PLCB4: variants seen among roughly 807,000 people sequenced by gnomAD.
PLCB4 encodes phospholipase C beta 4.
A neutral mutation model predicts 178.8 loss-of-function variants in PLCB4; 77 were observed. That is an observed-to-expected ratio of 0.43 (90% CI 0.36 to 0.52). The LOEUF is 0.52. Ranked by LOEUF, PLCB4 falls within the 20% of genes least tolerant of loss-of-function variation. PLCB4 has a pLI of 0.00. For missense variants in PLCB4, 1,024 were observed against 1,453.4 expected, an observed-to-expected ratio of 0.70 and a Z score of 4.80; for synonymous variants, 496 against 490.8, an observed-to-expected ratio of 1.01 and a Z score of -0.14.
intron 2 of PLCB4, among the ~76,000 whole-genome samples, chr20:9,183,985 G>A (rs567186809): frequency 2.6e-5 from 4 of 152,188 alleles, no homozygotes; most frequent in African/African-American, 4.8e-5. Context: ...CTGCTTTAAC[G>A]TGAGCTACTT....
chr20:9,117,820 T>A (rs2091831071), intron 2 of PLCB4, among the ~76,000 whole-genome samples: 1 of 152,194 alleles, frequency 6.6e-6, no homozygotes, highest in African/African-American at 2.4e-5. Context: ...CTACCTATCG[T>A]GCATTTTTCT....
At chr20:9,371,359 T>A in intron 10 of PLCB4, 64 bp downstream of exon 10, 1 of 832,682 alleles carries the variant, frequency 1.2e-6, no homozygotes, top group Non-Finnish European at 2.0e-6. Context: ...TCATATGTAA[T>A]GAGCTAGATT....
chr20:9,180,634 C>G (rs2093230367), intron 2 of PLCB4, among the ~76,000 whole-genome samples: 1 of 152,178 alleles, frequency 6.6e-6, no homozygotes, highest in South Asian at 2.1e-4. Flanking sequence ...TCTTGCTAAG[C>G]TGCTAGAGTG....
intron 4 of PLCB4, among the ~76,000 whole-genome samples, chr20:9,312,394 A>ACACGCACG (rs796244755): frequency 9.0e-4 from 129 of 143,968 alleles, no homozygotes; most frequent in South Asian, 3.1e-3. Context: ...ACACACACAC[A>ACACGCACG]CACGCACGCA....
chr20:9,284,601 A>G (rs2094521483), intron 3 of PLCB4, among the ~76,000 whole-genome samples: 1 of 151,878 alleles, frequency 6.6e-6, no homozygotes, highest in Admixed American at 6.6e-5. Flanking sequence ...CTGTCCTCCA[A>G]CATTAAGTGG....
intron 33 of PLCB4, among the ~76,000 whole-genome samples, chr20:9,454,793 C>T (rs545984564): frequency 2.0e-5 from 3 of 152,224 alleles, no homozygotes; most frequent in African/African-American, 7.2e-5. Context: ...TCAGGCCTCA[C>T]TATTTGAGAG....
intron 1 of PLCB4, among the ~76,000 whole-genome samples, chr20:9,070,045 C>T (rs917884158): frequency 6.6e-6 from 1 of 151,604 alleles, no homozygotes; most frequent in Non-Finnish European, 1.5e-5. Context: ...TTTCCATATA[C>T]GTAATACTTA....
At chr20:9,108,398 A>T (rs2091446277) in intron 2 of PLCB4, among the ~76,000 whole-genome samples, 1 of 151,998 alleles carries the variant, frequency 6.6e-6, no homozygotes, top group Non-Finnish European at 1.5e-5. Context: ...TAGGAGGAAA[A>T]CCAAGGGCAT....
At chr20:9,387,377 C>G in intron 14 of PLCB4, 86 bp from the exon 15 acceptor site, 2 of 681,130 alleles carry the variant, frequency 2.9e-6, no homozygotes, top group Non-Finnish European at 5.0e-6. Flanking sequence ...TGGAAGAAAA[C>G]AACTTATTTT....
intron 2 of PLCB4, among the ~76,000 whole-genome samples, chr20:9,197,359 C>A (rs1452837276): frequency 3.3e-5 from 5 of 152,062 alleles, no homozygotes; most frequent in Admixed American, 3.3e-4. Context: ...GTAGCCAGTT[C>A]AAGTTGAGAT....
chr20:9,473,164 T>A lies in PLCB4; in HGVS notation c.3409-115T>A, dbSNP rs897817501. On this transcript the variant is annotated intron_variant, in intron 37 of 39. Coordinates refer to ENST00000378473, the MANE Select transcript of PLCB4 (RefSeq NM_001377142.1). The stretch of plus-strand genomic sequence containing the variant: ...CTCTCCAAATTTTGAGATGATTTTT[T>A]AAAAAATTATTATCTCTTTCACTTA... 8.1e-6 allele frequency: 5 copies of A among 620,014 alleles called. No individual in the cohort carries two copies. The East Asian group carries it at 9.1e-5, about 11-fold the overall frequency. The allele number at this position is 620,014 out of a possible 1,614,324, so 38.4% of individuals were successfully genotyped here. A position where few individuals can be genotyped will look rare whatever the true frequency, so the allele number is the denominator to read the frequency against.
At chr20:9,138,778 T>TTAA (rs1251903388) in intron 2 of PLCB4, among the ~76,000 whole-genome samples, 2 of 152,110 alleles carry the variant, frequency 1.3e-5, no homozygotes, top group African/African-American at 2.4e-5. Flanking sequence ...TCCCTAAAGC[T>TTAA]TAAGGGGTCA....
chr20:9,360,623 C>T (rs1043705497), intron 7 of PLCB4, among the ~76,000 whole-genome samples: 2 of 152,072 alleles, frequency 1.3e-5, no homozygotes, highest in Non-Finnish European at 2.9e-5. Flanking sequence ...TCTGTGTGGG[C>T]CTGTGGTTTG....
At chr20:9,090,527 T>C (rs2090634525) in intron 1 of PLCB4, among the ~76,000 whole-genome samples, 1 of 150,832 alleles carries the variant, frequency 6.6e-6, no homozygotes. Flanking sequence ...TTTTTTTTTT[T>C]CAAATGGGTA....
chr20:9,449,061 C>A (rs994288146), intron 32 of PLCB4, among the ~76,000 whole-genome samples: 6 of 152,126 alleles, frequency 3.9e-5, no homozygotes, highest in African/African-American at 1.2e-4. Context: ...AATGTACTGG[C>A]AATCAAACTT....
intron 2 of PLCB4, among the ~76,000 whole-genome samples, chr20:9,167,497 CTT>C (rs1485310136): frequency 6.6e-6 from 1 of 152,094 alleles, no homozygotes; most frequent in African/African-American, 2.4e-5. Context: ...TTTCAAGTCT[CTT>C]TTCCTAAATA....
chr20:9,173,728 T>G (rs1455200112), intron 2 of PLCB4, among the ~76,000 whole-genome samples: 1 of 152,214 alleles, frequency 6.6e-6, no homozygotes, highest in Non-Finnish European at 1.5e-5. Context: ...TGTGATTACA[T>G]TGAGCCCACT....
intron 8 of PLCB4, among the ~76,000 whole-genome samples, chr20:9,363,327 A>G (rs1032801343): frequency 6.6e-6 from 1 of 152,134 alleles, no homozygotes; most frequent in African/African-American, 2.4e-5. Context: ...GTGCTGGGGT[A>G]ATTCTATCCT....
chr20:9,274,418 G>T (rs1483447881), intron 3 of PLCB4, among the ~76,000 whole-genome samples: 1 of 152,004 alleles, frequency 6.6e-6, no homozygotes, highest in Admixed American at 6.6e-5. Context: ...GAGAAATTAT[G>T]CTTGTCTTCA....
Sources: allele counts gnomAD v4.1 joint callset (sites outside exome capture counted in the v4.1 genomes callset), GRCh38; gene constraint gnomAD v4.1.1; transcripts MANE v1.5; gene names NCBI Gene and HGNC (gene_info 2026-07-23, HGNC 2026-07-21).